Variants in ARHGAP33 observed in about 807,000 individuals in gnomAD.
ARHGAP33 encodes rho GTPase-activating protein 33.
A neutral mutation model predicts 126.2 loss-of-function variants in ARHGAP33; 57 were observed. The observed-to-expected ratio is 0.45, with a 90% CI of 0.36 to 0.56. The LOEUF is 0.56. Among genes scored for constraint, ARHGAP33 ranks in the 20% least tolerant of loss-of-function variants. The pLI, the probability that ARHGAP33 is intolerant of heterozygous loss-of-function variation, is 0.00. For missense variants in ARHGAP33, 1,500 were observed against 1,748.3 expected, an observed-to-expected ratio of 0.86 and a Z score of 2.53; for synonymous variants, 711 against 755.0, an observed-to-expected ratio of 0.94 and a Z score of 0.95.
rs199905706 is a variant in ARHGAP33 at position 35,777,696 on chromosome 19, C to G, written c.58C>G (p.Leu20Val). Residue 20 changes from leucine (L) to valine (V), a missense_variant, in exon 2 of 21, where the codon CTA becomes GTA. Leu to Val is a conservative substitution (Grantham distance 32, BLOSUM62 1). This residue lies in a region of ARHGAP33 where 129 missense variants were observed against 145.9 expected (regional missense o/e 0.88). Transcript: ENST00000007510. ...DGPGEGSVQP[L>V]PTAGGPSVKG... ...CCCAGGGGAGGGCTCGGTGCAGCCT[C>G]TACCCACTGCTGGGGGGCCCAGTGT... 56 of 1,600,544 alleles carry G rather than the reference C, an allele frequency of 3.5e-5. No individual in the cohort carries two copies. The highest frequency in any genetic ancestry group is 9.4e-6 in the Non-Finnish European group (11 of 1,173,678).
Position 35,787,974 on chromosome 19 carries a change from A to T in ARHGAP33, c.3409A>T (p.Ser1137Cys). The part of the protein sequence containing the change: ...PLHRSPDFLL[S>C]YPPAPSCFPP... ...CCACAGGTCCCCCGACTTCCTGCTC[A>T]GCTACCCGCCAGCCCCCTCCTGCTT... The change falls in exon 21 of 21, where the codon AGC becomes TGC. Residue 1137 changes from serine to cysteine, a missense_variant. Transcript: ENST00000007510. The T allele has an allele frequency of 1.9e-6, 2 of 1,066,098 alleles. No individual in the cohort carries two copies. The highest frequency in any genetic ancestry group is 2.5e-6 in the Non-Finnish European group (2 of 796,906). 66.0% of individuals were successfully genotyped at this position (1,066,098 alleles called of 1,614,324 possible). A position where few individuals can be genotyped will look rare whatever the true frequency, so the allele number is the denominator to read the frequency against.
intron 16 of ARHGAP33, 116 bp downstream of exon 16, chr19:35,784,433 C>G: frequency 1.4e-6 from 2 of 1,430,438 alleles, no homozygotes; most frequent in African/African-American, 1.5e-5. Context: ...GGCCTCCCTC[C>G]GGCTCCTTGA....
Position 35,779,109 on chromosome 19 carries a change from G to T in ARHGAP33, c.486G>T (p.Val162=). The T allele has an allele frequency of 6.4e-7, 1 of 1,551,758 alleles. No homozygotes were observed. Among genetic ancestry groups the T allele is most frequent in the Non-Finnish European group, 8.7e-7 (1 of 1,147,092 alleles). Residue 162 remains valine, a synonymous_variant, in exon 6 of 21, where the codon GTG becomes GTT. Transcript: ENST00000007510. ...ACAGTAACCTCAACTGCGGGCCTGT[G>T]CTCACCTGGATGGAGGTGGGCCTGG... ...LVDSNLNCGP[V]LTWMELDNHG...
At chr19:35,776,276 C>T (rs372149409) in intron 1 of ARHGAP33, among the ~76,000 whole-genome samples, 1 of 151,756 alleles carries the variant, frequency 6.6e-6, no homozygotes, top group Non-Finnish European at 1.5e-5. Flanking sequence ...CCTTGATCCT[C>T]GGGTCTGCTC....
intron 16 of ARHGAP33, chr19:35,784,734 G>A: frequency 6.0e-6 from 8 of 1,324,230 alleles, no homozygotes; most frequent in Non-Finnish European, 7.7e-6. Context: ...CGCTGCCCTC[G>A]CTGGCTGCCG....
Position 35,784,334 on chromosome 19 carries a change from C to A in ARHGAP33, c.1567+17C>A. The A allele has an allele frequency of 7.1e-6, 11 of 1,541,802 alleles. No homozygotes were observed. The highest frequency in any genetic ancestry group is 9.6e-6 in the Non-Finnish European group (11 of 1,140,800). ...ACCCTGCAGGTATGCCCTCCCACCC[C>A]CTGAGGTCCTGGCTACTGCCCACCA... is the stretch of plus-strand genomic sequence containing the variant. On this transcript the variant is annotated intron_variant, in intron 16 of 20. Transcript: ENST00000007510.
rs570056376 is a variant in ARHGAP33, at chr19:35,776,876, G to A, written c.7-769G>A. Among the ~76,000 whole-genome samples, 4 of 152,350 alleles carry A rather than the reference G, an allele frequency of 2.6e-5. No individual in the cohort carries two copies. In the South Asian group the frequency reaches 6.2e-4, roughly 24 times the overall value. The stretch of plus-strand genomic sequence containing the variant: ...AGAGAGTCCAGAGGAGATGCCAGGT[G>A]CAGCCTGAAGGGTCAGGGAGAACTT... On this transcript the variant is annotated intron_variant, in intron 1 of 20. Transcript: ENST00000007510.
rs747024606 is a variant in ARHGAP33, at chr19:35,780,655, G to A, written c.769+7G>A. On this transcript the variant is annotated splice_region_variant and intron_variant, in intron 9 of 20. Coordinates refer to ENST00000007510, the MANE Select transcript of ARHGAP33 (RefSeq NM_001366178.1). ...GGTCCGGGCCTGAAGGCGGGTAAGT[G>A]CCATGGATGGATGGGAGGTGTGGGG... 8.2e-7 allele frequency: 1 copy of A among 1,217,128 alleles called. No individual in the cohort carries two copies. Among genetic ancestry groups the A allele is most frequent in the Non-Finnish European group, 1.1e-6 (1 of 886,004 alleles). 75.4% of individuals were successfully genotyped at this position (1,217,128 alleles called of 1,614,324 possible).
chr19:35,777,512 C>T, intron 1 of ARHGAP33, 133 bp from the exon 2 acceptor site: 1 of 716,494 alleles, frequency 1.4e-6, no homozygotes, highest in Non-Finnish European at 2.4e-6. Flanking sequence ...CCTCCCCCGA[C>T]CTGCCATCCT....
chr19:35,784,147 C>G, intron 15 of ARHGAP33, 25 bp from the exon 16 acceptor site: 4 of 1,596,148 alleles, frequency 2.5e-6, no homozygotes, highest in Non-Finnish European at 3.4e-6. Context: ...AGGCACCCAG[C>G]CTCCCTCCCG....
At chr19:35,776,789 C>T (rs947959510) in intron 1 of ARHGAP33, among the ~76,000 whole-genome samples, 1 of 152,152 alleles carries the variant, frequency 6.6e-6, no homozygotes, top group Non-Finnish European at 1.5e-5. Flanking sequence ...GTGATCAGAG[C>T]TGTGAAGGGA....
Position 35,787,723 on chromosome 19 carries a change from A to T in ARHGAP33, c.3158A>T (p.Tyr1053Phe). The T allele has an allele frequency of 6.3e-7, 1 of 1,585,592 alleles. No homozygotes were observed. The highest frequency in any genetic ancestry group is 8.5e-7 in the Non-Finnish European group (1 of 1,170,970). The change falls in exon 21 of 21, where the codon TAC (tyrosine) becomes TTC (phenylalanine). Residue 1053 changes from tyrosine (Y) to phenylalanine (F), a missense_variant. Coordinates refer to ENST00000007510, the MANE Select transcript of ARHGAP33 (RefSeq NM_001366178.1). ...PFLGVPKPGL[Y>F]PLGPPSFQPS... The stretch of plus-strand genomic sequence containing the variant: ...CTCGGGGTCCCCAAGCCAGGCTTGT[A>T]CCCCCTGGGCCCCCCATCCTTCCAG...
Position 35,788,714 on chromosome 19 carries a change from G to T in ARHGAP33, c.*285G>T, listed in dbSNP as rs1972253430. On this transcript the variant is annotated 3_prime_UTR_variant, in exon 21 of 21. Transcript: ENST00000007510. Reference sequence around the variant, plus strand: ...CCTCCTCTCCCTCCAGGAGCCCCCAGCATGTCCTGACCTGTGCACGGGGAT... The same window carrying T: ...CCTCCTCTCCCTCCAGGAGCCCCCATCATGTCCTGACCTGTGCACGGGGAT... 9.8e-6 allele frequency: 4 copies of T among 408,230 alleles called. No homozygotes were observed. Among genetic ancestry groups the T allele is most frequent in the Non-Finnish European group, 1.7e-5 (4 of 229,102 alleles). The allele number at this position is 408,230 out of a possible 1,614,324, so 25.3% of individuals were successfully genotyped here.
In ARHGAP33 at chr19:35,777,648, C is replaced by T. The variant is rs757351355; in HGVS notation, c.10C>T (p.Arg4Cys). 6 of 1,568,630 alleles carry T rather than the reference C, an allele frequency of 3.8e-6. No homozygotes were observed. Among genetic ancestry groups the T allele is most frequent in the South Asian group, 2.3e-5 (2 of 86,008 alleles). ...TCTGATTCTTTCTGCTCTACAGGCA[C>T]GCAGCACTGACAGCCTGGATGGCCC... MVARSTDSLDGPGE... is the reference protein window; with the variant it reads MVACSTDSLDGPGE... Residue 4 changes from arginine to cysteine, a missense_variant, in exon 2 of 21, where the codon CGC (arginine) becomes TGC (cysteine). Arg to Cys is a radical substitution (Grantham distance 180). Transcript: ENST00000007510.
intron 3 of ARHGAP33, 81 bp from the exon 4 acceptor site, chr19:35,778,199 A>G: frequency 6.7e-7 from 1 of 1,484,722 alleles, no homozygotes; most frequent in South Asian, 1.2e-5. Context: ...AGGGAGTCAC[A>G]AACCCGTCCC....
At chr19:35,777,980 C>A in intron 3 of ARHGAP33, 72 bp downstream of exon 3, 1 of 1,548,238 alleles carries the variant, frequency 6.5e-7, no homozygotes, top group Non-Finnish European at 8.9e-7. Flanking sequence ...ATATCAGGTG[C>A]TTTGCTTCTG....
In ARHGAP33 at chr19:35,787,312, G is replaced by T; in HGVS notation, c.2747G>T (p.Ser916Ile). Residue 916 changes from serine (S) to isoleucine (I), a missense_variant, in exon 21 of 21, where the codon AGC becomes ATC. Physicochemically the swap from Ser to Ile is moderately radical, Grantham distance 142 (BLOSUM62 -2). Coordinates refer to ENST00000007510, the MANE Select transcript of ARHGAP33 (RefSeq NM_001366178.1). ...GCTCAGCAGGTGGCCGAGCAACAGA[G>T]CCAGCAGGAGTGTGGGGGCACCCCA... ...ERAQQVAEQQ[S>I]QQECGGTPPA... 6.2e-7 allele frequency: 1 copy of T among 1,612,602 alleles called. No individual in the cohort carries two copies. The highest frequency in any genetic ancestry group is 8.5e-7 in the Non-Finnish European group (1 of 1,179,426).
At chr19:35,779,195 GGT>G (rs771324898) in intron 6 of ARHGAP33, 71 bp downstream of exon 6, 49 of 1,241,702 alleles carry the variant, frequency 3.9e-5, no homozygotes, top group East Asian at 1.3e-4. Flanking sequence ...AAGCAGCCTC[GGT>G]GTGTGTGTGG....
Position 35,778,298 on chromosome 19 carries a change from C to T in ARHGAP33, c.208C>T (p.Arg70Cys), listed in dbSNP as rs201365669. 3.3e-4 allele frequency: 530 copies of T among 1,614,164 alleles called. No individual in the cohort carries two copies. The highest frequency in any genetic ancestry group is 1.3e-3 in the Middle Eastern group (8 of 6,062). Residue 70 changes from arginine (R) to cysteine (C), a missense_variant, in exon 4 of 21, where the codon CGT becomes TGT. Physicochemically the swap from Arg to Cys is radical, Grantham distance 180. Coordinates refer to ENST00000007510, the MANE Select transcript of ARHGAP33 (RefSeq NM_001366178.1). ...TCTGCAGCTCCTGCTGTCTCCAGAC[C>T]GTGAAGGGCCCAGCCTCTCTGGAGA... The part of the protein sequence containing the change: ...GHIQLLLSPD[R>C]EGPSLSGENE...
Sources: gnomAD v4.1 joint callset for allele counts (sites outside exome capture counted in the v4.1 genomes callset) on GRCh38, gnomAD v4.1.1 for gene constraint, gnomAD v4.1.1 regional missense constraint, MANE v1.5 for transcripts, NCBI Gene and HGNC (gene_info 2026-07-23, HGNC 2026-07-21) for gene names.